The following MSRA variants were observed in gnomAD, a reference collection of about 807,000 sequenced individuals.
MSRA encodes methionine sulfoxide reductase A.
A neutral mutation model predicts 31.3 loss-of-function variants in MSRA; 54 were observed. The observed-to-expected ratio is 1.73, with a 90% CI of 1.39 to 2.17. The LOEUF is 2.17. Among genes scored for constraint, MSRA ranks in the 30% most tolerant of loss-of-function variants. MSRA has a pLI of 0.00. For missense variants in MSRA, 507 were observed against 300.9 expected (o/e 1.69, Z -5.07); for synonymous variants, 169 against 116.5 (o/e 1.45, Z -2.90).
intron 4 of MSRA, among the ~76,000 whole-genome samples, chr8:10,313,633 AGTTTT>A (rs1287813475): frequency 2.6e-5 from 4 of 152,228 alleles, no homozygotes; most frequent in Non-Finnish European, 5.9e-5. Flanking sequence ...AGATCCCAAC[AGTTTT>A]GTTGTTGTTG....
chr8:10,345,175 A>G (rs943035456), intron 5 of MSRA, among the ~76,000 whole-genome samples: 2 of 152,222 alleles, frequency 1.3e-5, no homozygotes. Flanking sequence ...TTCCTTGGCT[A>G]AAACAAGTCA....
At chr8:10,071,766 A>G (rs1797742996) in intron 1 of MSRA, among the ~76,000 whole-genome samples, 1 of 152,160 alleles carries the variant, frequency 6.6e-6, no homozygotes, top group Admixed American at 6.5e-5. Context: ...GTTCCAAGGG[A>G]AGGCTGGCAC....
intron 5 of MSRA, among the ~76,000 whole-genome samples, chr8:10,324,306 A>C (rs1802234908): frequency 6.6e-6 from 1 of 152,174 alleles, no homozygotes; most frequent in Non-Finnish European, 1.5e-5. Context: ...ATAGCAGTTC[A>C]TTAAGGGGTG....
intron 5 of MSRA, among the ~76,000 whole-genome samples, chr8:10,326,133 T>C (rs1802349459): frequency 6.6e-6 from 1 of 152,230 alleles, no homozygotes; most frequent in Admixed American, 6.5e-5. Context: ...ACTGTAATGT[T>C]GACTTAGGTT....
At chr8:10,416,866 C>T (rs750100274) in intron 5 of MSRA, among the ~76,000 whole-genome samples, 21 of 152,254 alleles carry the variant, frequency 1.4e-4, no homozygotes, top group Non-Finnish European at 2.6e-4. Context: ...TCTCCATCCT[C>T]CCCGTCCTCT....
At chr8:10,063,236 C>T (rs1026916020) in intron 1 of MSRA, among the ~76,000 whole-genome samples, 20 of 152,204 alleles carry the variant, frequency 1.3e-4, no homozygotes, top group Admixed American at 1.3e-3. Context: ...GTTGTCCTTC[C>T]TCCCATGAGT....
chr8:10,271,572 G>A (rs982176332), intron 3 of MSRA, among the ~76,000 whole-genome samples: 4 of 11,152 alleles, frequency 3.6e-4, no homozygotes, highest in African/African-American at 8.2e-4. Context: ...ACACCTGCCC[G>A]TAAATTCAAT....
intron 1 of MSRA, among the ~76,000 whole-genome samples, chr8:10,163,231 C>G (rs1804820300): frequency 6.6e-6 from 1 of 152,136 alleles, no homozygotes; most frequent in Non-Finnish European, 1.5e-5. Flanking sequence ...CATAAGCCAC[C>G]CAGTCTGTGG....
chr8:10,361,553 CA>C (rs1324023179), intron 5 of MSRA, among the ~76,000 whole-genome samples: 1 of 152,054 alleles, frequency 6.6e-6, no homozygotes, highest in Non-Finnish European at 1.5e-5. Flanking sequence ...TGCATTTTAC[CA>C]GGATTCTTGA....
At chr8:10,245,268 G>C in intron 3 of MSRA, 45 bp downstream of exon 3, 1 of 1,583,512 alleles carries the variant, frequency 6.3e-7, no homozygotes, top group Non-Finnish European at 8.6e-7. Context: ...AAACAAGGGA[G>C]GGCTTGTCAC....
intron 1 of MSRA, chr8:10,096,181 G>A (rs917510540): frequency 1.8e-5 from 23 of 1,253,666 alleles, no homozygotes; most frequent in Admixed American, 3.8e-5. Flanking sequence ...TTAAGAAAAC[G>A]TTTTCTTAAA....
chr8:10,169,622 T>A lies in MSRA; in HGVS notation c.143-38211T>A, dbSNP rs1805429041. 3.9e-5 allele frequency among the ~76,000 whole-genome samples: 6 copies of A among 152,320 alleles called. No homozygotes were observed. In the South Asian group the frequency reaches 1.2e-3, roughly 32 times the overall value. On this transcript the variant is annotated intron_variant, in intron 1 of 5. Transcript: ENST00000317173. Reference sequence around the variant, plus strand: ...CATAAAAGAAAATGATAGATTGGACTTCATAAAATGAAAATGTTATTCAAA... The same window carrying A: ...CATAAAAGAAAATGATAGATTGGACATCATAAAATGAAAATGTTATTCAAA...
intron 1 of MSRA, among the ~76,000 whole-genome samples, chr8:10,072,338 C>T (rs1420633192): frequency 4.0e-5 from 6 of 150,432 alleles, no homozygotes; most frequent in Non-Finnish European, 7.4e-5. Context: ...GATGAATATT[C>T]AGTTACTACA....
chr8:10,077,510 A>T (rs2128921469), intron 1 of MSRA, among the ~76,000 whole-genome samples: 2 of 136,198 alleles, frequency 1.5e-5, no homozygotes, highest in African/African-American at 5.6e-5. Context: ...TTTAAATGAG[A>T]CAGAGTCTCA....
chr8:10,159,905 C>A (rs1414926204), intron 1 of MSRA, among the ~76,000 whole-genome samples: 1 of 152,136 alleles, frequency 6.6e-6, no homozygotes, highest in Non-Finnish European at 1.5e-5. Flanking sequence ...TTAATTCTTA[C>A]TGGAATTTTG....
At chr8:10,120,985 A>G (rs1025242027) in intron 1 of MSRA, among the ~76,000 whole-genome samples, 1 of 152,260 alleles carries the variant, frequency 6.6e-6, no homozygotes, top group Admixed American at 6.5e-5. Flanking sequence ...AGTGAAATAT[A>G]GATGCAAAAT....
rs192204965 is a variant in MSRA, at chr8:10,363,531, T to C, written c.543+43542T>C. Among the ~76,000 whole-genome samples the C allele has an allele frequency of 3.5e-3, 538 of 152,270 alleles. 3 individuals are homozygous for C. Among genetic ancestry groups the C allele is most frequent in the African/African-American group, 0.012 (500 of 41,552 alleles). ...CCGTGCCTGTCTTGTAGCATGACGA[T>C]GTATATTCTCACCTTAGTAGTCCCC... On this transcript the variant is annotated intron_variant, in intron 5 of 5. Coordinates refer to ENST00000317173, the MANE Select transcript of MSRA (RefSeq NM_012331.5).
At chr8:10,234,142 A>C (rs185507846) in intron 2 of MSRA, among the ~76,000 whole-genome samples, 100 of 152,306 alleles carry the variant, frequency 6.6e-4, no homozygotes, top group Non-Finnish European at 1.0e-3. Context: ...CAGTTACTAT[A>C]AAACCCTTTT....
intron 1 of MSRA, among the ~76,000 whole-genome samples, chr8:10,100,159 G>T (rs1282232817): frequency 6.6e-6 from 1 of 152,206 alleles, no homozygotes; most frequent in South Asian, 2.1e-4. Flanking sequence ...GGCGTTGAGA[G>T]GGCATAAGGT....
Sources: allele counts gnomAD v4.1 joint callset (sites outside exome capture counted in the v4.1 genomes callset), GRCh38; gene constraint gnomAD v4.1.1; transcripts MANE v1.5; gene names NCBI Gene and HGNC (gene_info 2026-07-23, HGNC 2026-07-21).